Variants in DOCK1 observed in about 807,000 individuals in gnomAD.
DOCK1 encodes the protein dedicator of cytokinesis protein 1.
In DOCK1, 138 loss-of-function variants were observed where a neutral mutation model predicts 262.7. The observed-to-expected ratio is 0.53, with a 90% CI of 0.46 to 0.61. The LOEUF (loss-of-function observed/expected upper bound fraction) is 0.61, where lower values mean the gene tolerates loss of function less well. DOCK1 is among the 20% of genes least tolerant of loss of function. The pLI, the probability that DOCK1 is intolerant of heterozygous loss-of-function variation, is 0.00. For synonymous variants in DOCK1, 866 were observed against 867.4 expected (o/e 1.00, Z 0.03); for missense variants, 1,908 against 2,370.7 (o/e 0.80, Z 4.05).
In DOCK1 at chr10:127,446,509, A is replaced by G. The variant is rs573440692; in HGVS notation, c.5414-885A>G. ...AATAATAGCAAAGAAGTAGGCAGCA[A>G]TCATGAGGACAGTCACTCACCGAAG... On this transcript the variant is annotated intron_variant, in intron 50 of 51. Transcript: ENST00000623213. The surrounding 1 kb of genome is among the most constrained non-coding windows in gnomAD (Gnocchi z 4.4). 5.3e-5 allele frequency among the ~76,000 whole-genome samples: 8 copies of G among 152,296 alleles called. No individual in the cohort carries two copies. In the East Asian group the frequency reaches 1.5e-3, roughly 29 times the overall value.
intron 1 of DOCK1, among the ~76,000 whole-genome samples, chr10:126,938,548 G>C (rs2034712799): frequency 6.6e-6 from 1 of 152,038 alleles, no homozygotes; most frequent in African/African-American, 2.4e-5. Context: ...TGACACTTTT[G>C]ATTATGAGTT....
intron 23 of DOCK1, among the ~76,000 whole-genome samples, chr10:127,062,940 T>A (rs1320460879): frequency 6.6e-6 from 1 of 152,166 alleles, no homozygotes; most frequent in Non-Finnish European, 1.5e-5. Flanking sequence ...GGAAGAAAGA[T>A]CCCTTCCACT....
chr10:127,145,330 G>A (rs926012962), intron 27 of DOCK1, among the ~76,000 whole-genome samples: 5 of 152,130 alleles, frequency 3.3e-5, no homozygotes, highest in Admixed American at 1.3e-4. Context: ...TAACAGCACC[G>A]CCACATGTCT....
At position 127,425,931 on chromosome 10, in the gene DOCK1, A is replaced by G. The variant is rs1243334883; in HGVS notation, c.4834A>G (p.Arg1612Gly). Reference sequence around the variant, plus strand: ...TGGAGACAAAGTCACGGAGGCACTGAGGCCGTTCCACGAGAGGATGGAGGC... The same window carrying G: ...TGGAGACAAAGTCACGGAGGCACTGGGGCCGTTCCACGAGAGGATGGAGGC... ...IHGDKVTEAL[R>G]PFHERMEACF... The change falls in exon 47 of 52, where the codon AGG becomes GGG. Residue 1612 changes from arginine (R) to glycine (G), a missense_variant. Around this residue, in one of 9 missense-constraint regions of DOCK1, gnomAD observed 383 missense variants for 420.1 expected, o/e 0.91. Transcript: ENST00000623213. The G allele has an allele frequency of 6.2e-7, 1 of 1,614,064 alleles. No individual in the cohort carries two copies. Among genetic ancestry groups the G allele is most frequent in the Admixed American group, 1.7e-5 (1 of 60,030 alleles).
At chr10:127,259,647 A>G (rs1451290829) in intron 29 of DOCK1, among the ~76,000 whole-genome samples, 1 of 152,116 alleles carries the variant, frequency 6.6e-6, no homozygotes, top group Non-Finnish European at 1.5e-5. Context: ...CCTGGCTCTC[A>G]GGCTGTGGAT....
At chr10:127,228,272 G>T (rs142191824) in intron 27 of DOCK1, among the ~76,000 whole-genome samples, 1 of 152,074 alleles carries the variant, frequency 6.6e-6, no homozygotes, top group Non-Finnish European at 1.5e-5. Context: ...ACCTTCCCTC[G>T]TTCCTCATGG....
At position 127,126,722 on chromosome 10, in the gene DOCK1, G is replaced by C. The variant is rs180817861; in HGVS notation, c.2752-947G>C. On this transcript the variant is annotated intron_variant, in intron 26 of 51. Transcript: ENST00000623213. ...CCTGGAAAGGTGAAAGCAGGGCTTT[G>C]TCTGTCCTTGCCCCTAGCCCTGGAC... Among the ~76,000 whole-genome samples, 3 of 152,252 alleles carry C rather than the reference G, an allele frequency of 2.0e-5. No individual in the cohort carries two copies. The East Asian group carries it at 5.8e-4, about 30-fold the overall frequency.
At chr10:127,032,078 A>G in intron 17 of DOCK1, 59 bp from the exon 18 acceptor site, 19 of 1,551,240 alleles carry the variant, frequency 1.2e-5, no homozygotes, top group Non-Finnish European at 1.7e-5. Context: ...AAGGGTGGCA[A>G]AAATGGTGTG....
intron 21 of DOCK1, among the ~76,000 whole-genome samples, chr10:127,043,518 C>T (rs2135650083): frequency 6.6e-6 from 1 of 152,324 alleles, no homozygotes. Context: ...GCATGTGTTC[C>T]CGTGTTAAGG....
At chr10:126,927,149 C>G (rs533196176) in intron 1 of DOCK1, among the ~76,000 whole-genome samples, 2 of 152,266 alleles carry the variant, frequency 1.3e-5, no homozygotes, top group South Asian at 4.1e-4. Flanking sequence ...TTTGCGTCGT[C>G]TTTTTAGAAG....
At chr10:127,330,309 A>G (rs191249112) in intron 29 of DOCK1, among the ~76,000 whole-genome samples, 36 of 152,300 alleles carry the variant, frequency 2.4e-4, no homozygotes, top group African/African-American at 8.2e-4. Context: ...CTGCTAGTGT[A>G]GTGGGGAAAT....
At chr10:126,987,678 A>T in intron 5 of DOCK1, 61 bp downstream of exon 5, 1 of 1,362,542 alleles carries the variant, frequency 7.3e-7, no homozygotes, top group Non-Finnish European at 1.0e-6. Context: ...TTTGACCCTG[A>T]TATGCCAATG....
chr10:127,145,604 C>T (rs2051738447), intron 27 of DOCK1, among the ~76,000 whole-genome samples: 1 of 152,150 alleles, frequency 6.6e-6, no homozygotes, highest in African/African-American at 2.4e-5. Context: ...ATCCCATGAC[C>T]CAGGGCCATC....
intron 1 of DOCK1, among the ~76,000 whole-genome samples, chr10:126,925,923 C>T (rs1182522065): frequency 1.3e-5 from 2 of 152,006 alleles, no homozygotes; most frequent in Non-Finnish European, 2.9e-5. Context: ...GCTGGTAACA[C>T]TGAGAATCTT....
At chr10:127,024,649 A>G (rs760532376) in intron 14 of DOCK1, 36 bp from the exon 15 acceptor site, 208 of 1,561,062 alleles carry the variant, frequency 1.3e-4, no homozygotes, top group Non-Finnish European at 1.7e-4. Flanking sequence ...AAGCTCTATG[A>G]GGTCTTACGT....
chr10:127,362,841 A>ATGCACATTCC, intron 33 of DOCK1, among the ~76,000 whole-genome samples: 421 of 12,184 alleles, frequency 0.035, 19 homozygotes, highest in African/African-American at 0.11. Context: ...ACACATACAC[A>ATGCACATTCC]CACACACACA....
intron 32 of DOCK1, 46 bp downstream of exon 32, chr10:127,354,773 G>A (rs914192883): frequency 1.2e-6 from 2 of 1,611,442 alleles, no homozygotes; most frequent in Non-Finnish European, 1.7e-6. Context: ...TTGCATCCCT[G>A]GTGGGTCATG....
intron 27 of DOCK1, among the ~76,000 whole-genome samples, chr10:127,236,983 C>T (rs973166686): frequency 6.6e-6 from 1 of 152,120 alleles, no homozygotes; most frequent in African/African-American, 2.4e-5. Context: ...GTGATTATTC[C>T]AAATTGTCTG....
chr10:127,351,099 G>A (rs2063858183), intron 31 of DOCK1, among the ~76,000 whole-genome samples: 1 of 152,190 alleles, frequency 6.6e-6, no homozygotes, highest in South Asian at 2.1e-4. Context: ...GAGTGAAGGT[G>A]CAAGAAACCA....
Sources: gnomAD v4.1 joint callset for allele counts (sites outside exome capture counted in the v4.1 genomes callset) on GRCh38, gnomAD v4.1.1 for gene constraint, gnomAD v4.1.1 regional missense constraint, Gnocchi (gnomAD v3.1) non-coding constraint, MANE v1.5 for transcripts, NCBI Gene and HGNC (gene_info 2026-07-23, HGNC 2026-07-21) for gene names.